KIT: variants seen among roughly 807,000 people sequenced by gnomAD.
KIT encodes KIT proto-oncogene, receptor tyrosine kinase.
A neutral mutation model predicts 105.7 loss-of-function variants in KIT; 16 were observed. That is an observed-to-expected ratio of 0.15 (90% CI 0.10 to 0.23). The LOEUF (loss-of-function observed/expected upper bound fraction) is 0.23. KIT is among the 10% of genes least tolerant of loss of function. The pLI is 1.00. For missense variants in KIT, 858 were observed against 1,213.8 expected (o/e 0.71, Z 4.36); for synonymous variants, 438 against 441.1 (o/e 0.99, Z 0.09).
intron 7 of KIT, among the ~76,000 whole-genome samples, chr4:54,709,999 A>G (rs1261623346): frequency 6.6e-6 from 1 of 152,184 alleles, no homozygotes; most frequent in Admixed American, 6.5e-5. Flanking sequence ...CCACTGAGAC[A>G]AATGCAATAC....
chr4:54,708,696 G>A (rs925522676), intron 6 of KIT, among the ~76,000 whole-genome samples: 5 of 152,208 alleles, frequency 3.3e-5, no homozygotes, highest in Admixed American at 3.3e-4. Flanking sequence ...GGGCTGCCCA[G>A]GGAGCTTGCA....
intron 1 of KIT, among the ~76,000 whole-genome samples, chr4:54,673,918 T>C (rs144589280): frequency 0.019 from 2,919 of 152,176 alleles, 41 homozygotes; most frequent in Non-Finnish European, 0.024. Flanking sequence ...TATAGGCATG[T>C]GCCACCACGC....
rs370131461 is a variant in KIT, at chr4:54,731,868, C to A, written c.2234-3C>A. 1 of 1,613,204 alleles carries A rather than the reference C, an allele frequency of 6.2e-7. No individual in the cohort carries two copies. The highest frequency in any genetic ancestry group is 1.3e-5 in the African/African-American group (1 of 74,930). ...GCTAAGAAAAATCCTCTCTTCCTCA[C>A]AGGCTCATACATAGAAAGAGATGTG... On this transcript the variant is annotated splice_region_variant and splice_polypyrimidine_tract_variant and intron_variant, in intron 15 of 20. Coordinates refer to ENST00000288135, the MANE Select transcript of KIT (RefSeq NM_000222.3).
rs1722307508 is a variant in KIT, at chr4:54,727,448, TGAG to T, written c.1684_1686del (p.Glu562del). On this transcript the variant is annotated inframe_deletion, in exon 11 of 21. Transcript: ENST00000288135. ...TGTATGAAGTACAGTGGAAGGTTGT[TGAG>T]GAGATAAATGGAAACAATTATGTTT... The T allele has an allele frequency of 1.9e-6, 3 of 1,614,132 alleles. No individual in the cohort carries two copies. Among genetic ancestry groups the T allele is most frequent in the Non-Finnish European group, 8.5e-7 (1 of 1,180,000 alleles).
intron 1 of KIT, among the ~76,000 whole-genome samples, chr4:54,667,959 T>C (rs989243376): frequency 6.6e-6 from 1 of 152,216 alleles, no homozygotes; most frequent in Non-Finnish European, 1.5e-5. Flanking sequence ...ATTAGAGATT[T>C]TGTGGGCTCA....
intron 6 of KIT, among the ~76,000 whole-genome samples, chr4:54,708,929 G>A (rs2109712151): frequency 6.6e-6 from 1 of 152,306 alleles, no homozygotes; most frequent in South Asian, 2.1e-4. Flanking sequence ...AAGTCTCCGG[G>A]GTGGAGGAAA....
intron 1 of KIT, among the ~76,000 whole-genome samples, chr4:54,674,119 C>T (rs1718302943): frequency 1.3e-5 from 2 of 152,088 alleles, no homozygotes; most frequent in South Asian, 4.2e-4. Context: ...CTCTACTTTC[C>T]TATATCCTAA....
chr4:54,711,209 T>C (rs1335974949), intron 7 of KIT, among the ~76,000 whole-genome samples: 1 of 152,220 alleles, frequency 6.6e-6, no homozygotes, highest in Non-Finnish European at 1.5e-5. Context: ...ATAATTGTCT[T>C]ATTTGATGCT....
chr4:54,669,847 T>C (rs1303980647), intron 1 of KIT, among the ~76,000 whole-genome samples: 5 of 151,920 alleles, frequency 3.3e-5, no homozygotes, highest in Non-Finnish European at 7.4e-5. Context: ...GGGTACCAGT[T>C]CAAAAAAGAG....
chr4:54,658,781 G>A (rs1035882216), intron 1 of KIT, among the ~76,000 whole-genome samples: 4 of 152,158 alleles, frequency 2.6e-5, no homozygotes, highest in Non-Finnish European at 5.9e-5. Flanking sequence ...TGGAGGTGGT[G>A]GCGACAGGGA....
At position 54,739,178 on chromosome 4, in the gene KIT, G is replaced by T. The variant is rs921222884; in HGVS notation, c.*621G>T. The T allele has an allele frequency of 3.3e-5, 10 of 301,670 alleles. No homozygotes were observed. The Admixed American group carries it at 3.4e-4, about 10-fold the overall frequency. 18.7% of individuals were successfully genotyped at this position (301,670 alleles called of 1,614,324 possible). A position where few individuals can be genotyped will look rare whatever the true frequency, so the allele number is the denominator to read the frequency against. Reference sequence around the variant, plus strand: ...CCGACCTGGTTTTTAAATAGAGTTTGCTATTAGAGCATTGAATTGGAGAGA... The same window carrying T: ...CCGACCTGGTTTTTAAATAGAGTTTTCTATTAGAGCATTGAATTGGAGAGA... On this transcript the variant is annotated 3_prime_UTR_variant, in exon 21 of 21. Transcript: ENST00000288135.
At position 54,684,823 on chromosome 4, in the gene KIT, C is replaced by G. The variant is rs115854739; in HGVS notation, c.68-10689C>G. Among the ~76,000 whole-genome samples the G allele has an allele frequency of 2.6e-3, 389 of 152,330 alleles. 4 individuals are homozygous for G. Among genetic ancestry groups the G allele is most frequent in the African/African-American group, 8.9e-3 (369 of 41,572 alleles). On this transcript the variant is annotated intron_variant, in intron 1 of 20. Coordinates refer to ENST00000288135, the MANE Select transcript of KIT (RefSeq NM_000222.3). ...TGGTTTGACTACTGTGGGCAAAGCT[C>G]TGGTGGTTCCGACATGCAGCTGGGA...
At chr4:54,700,686 C>T (rs1037285533) in intron 4 of KIT, among the ~76,000 whole-genome samples, 5 of 152,198 alleles carry the variant, frequency 3.3e-5, no homozygotes, top group African/African-American at 9.7e-5. Flanking sequence ...CCTCTTCCTC[C>T]TCCTGCCCCA....
intron 1 of KIT, among the ~76,000 whole-genome samples, chr4:54,686,469 G>A (rs982786360): frequency 1.3e-5 from 2 of 152,168 alleles, no homozygotes; most frequent in Non-Finnish European, 2.9e-5. Context: ...CTGGACATGG[G>A]AATATTACAA....
intron 6 of KIT, among the ~76,000 whole-genome samples, chr4:54,707,979 A>G (rs1162751779): frequency 2.0e-5 from 3 of 152,112 alleles, no homozygotes; most frequent in Non-Finnish European, 4.4e-5. Context: ...GTTTTGCTCT[A>G]TTTTTCCAGT....
chr4:54,731,042 T>C (rs1722555428), intron 14 of KIT, among the ~76,000 whole-genome samples: 2 of 152,168 alleles, frequency 1.3e-5, no homozygotes, highest in Non-Finnish European at 2.9e-5. Context: ...CTGTCTCCCA[T>C]TAAATTCATT....
chr4:54,692,983 C>T (rs1271762298), intron 1 of KIT, among the ~76,000 whole-genome samples: 2 of 152,176 alleles, frequency 1.3e-5, no homozygotes, highest in African/African-American at 2.4e-5. Context: ...TTCCACCCTC[C>T]TGTAAAGCAC....
chr4:54,687,159 G>A (rs1719363627), intron 1 of KIT, among the ~76,000 whole-genome samples: 1 of 152,144 alleles, frequency 6.6e-6, no homozygotes, highest in South Asian at 2.1e-4. Flanking sequence ...TTACCACTGA[G>A]TGAAATCAAC....
chr4:54,666,256 T>G (rs951143633), intron 1 of KIT, among the ~76,000 whole-genome samples: 6 of 151,910 alleles, frequency 3.9e-5, no homozygotes, highest in African/African-American at 1.5e-4. Context: ...AATTGAAAAT[T>G]TTTTTGTTTT....
Sources: gnomAD v4.1 joint callset for allele counts (sites outside exome capture counted in the v4.1 genomes callset) on GRCh38, gnomAD v4.1.1 for gene constraint, MANE v1.5 for transcripts, NCBI Gene and HGNC (gene_info 2026-07-23, HGNC 2026-07-21) for gene names.